CC2D2B: variants seen among roughly 807,000 people sequenced by gnomAD.
CC2D2B encodes the protein coiled-coil and C2 domain containing 2B.
A neutral mutation model predicts 161.2 loss-of-function variants in CC2D2B; 128 were observed. The observed-to-expected ratio is 0.79, with a 90% CI of 0.69 to 0.92. The LOEUF is 0.92. CC2D2B is among the 40% of genes least tolerant of loss of function. CC2D2B has a pLI of 0.00. For missense variants in CC2D2B, 1,173 were observed against 1,375.1 expected (o/e 0.85, Z 2.32); for synonymous variants, 391 against 449.8 (o/e 0.87, Z 1.65).
rs2078181120 is a variant in CC2D2B at position 95,995,120 on chromosome 10, A to G, written c.2643-149A>G. The G allele has an allele frequency of 8.7e-6, 4 of 459,724 alleles. No homozygotes were observed. The South Asian group carries it at 1.6e-4, about 18-fold the overall frequency. The allele number at this position is 459,724 out of a possible 1,614,324, so 28.5% of individuals were successfully genotyped here. A position where few individuals can be genotyped will look rare whatever the true frequency, so the allele number is the denominator to read the frequency against. The stretch of plus-strand genomic sequence containing the variant: ...TTATCAAATGTTTAGCTGTAACCAC[A>G]CATGATAAGACAATTCAAGGCAAAC... On this transcript the variant is annotated intron_variant, in intron 22 of 34. Transcript: ENST00000646931.
chr10:96,003,021 A>AATAAATATATATATATATAT (rs1366887388), intron 24 of CC2D2B, among the ~76,000 whole-genome samples: 14 of 140,700 alleles, frequency 1.0e-4, no homozygotes, highest in Non-Finnish European at 1.9e-4. Flanking sequence ...AAAATAAATA[A>AATAAATATATATATATATAT]ATATATATAT....
intron 4 of CC2D2B, 56 bp downstream of exon 4, chr10:95,924,446 AC>A: frequency 1.0e-6 from 1 of 975,650 alleles, no homozygotes. Context: ...GAGACATTTA[AC>A]ACAATCAAGT....
At chr10:95,961,157 G>A (rs530706874) in intron 11 of CC2D2B, among the ~76,000 whole-genome samples, 16 of 152,272 alleles carry the variant, frequency 1.1e-4, no homozygotes, top group South Asian at 6.2e-4. Flanking sequence ...TTATCAAAAC[G>A]TAGGGGCTTT....
At chr10:95,952,978 A>T (rs1338226625) in intron 10 of CC2D2B, among the ~76,000 whole-genome samples, 1 of 152,128 alleles carries the variant, frequency 6.6e-6, no homozygotes, top group Non-Finnish European at 1.5e-5. Context: ...ATGTTTTTCC[A>T]ATTTGAATTT....
At position 95,992,426 on chromosome 10, in the gene CC2D2B, A is replaced by G. The variant is rs1003226726; in HGVS notation, c.2472-101A>G. Reference sequence around the variant, plus strand: ...GTCTCCCCTCCATAATGCAGAGAATATGGTTTAGAATAATGGTCTCATTTC... The same window carrying G: ...GTCTCCCCTCCATAATGCAGAGAATGTGGTTTAGAATAATGGTCTCATTTC... On this transcript the variant is annotated intron_variant, in intron 21 of 34. Coordinates refer to ENST00000646931, the MANE Select transcript of CC2D2B (RefSeq NM_001349008.3). 4 of 898,000 alleles carry G rather than the reference A, an allele frequency of 4.5e-6. No individual in the cohort carries two copies. The African/African-American group carries it at 5.2e-5, about 12-fold the overall frequency. 55.6% of individuals were successfully genotyped at this position (898,000 alleles called of 1,614,324 possible).
At chr10:95,971,102 G>T (rs2077111914) in intron 15 of CC2D2B, among the ~76,000 whole-genome samples, 1 of 151,840 alleles carries the variant, frequency 6.6e-6, no homozygotes, top group South Asian at 2.1e-4. Flanking sequence ...AAAAAAGTTT[G>T]CTTAGACTGG....
intron 9 of CC2D2B, among the ~76,000 whole-genome samples, chr10:95,946,038 C>G (rs938179224): frequency 6.6e-6 from 1 of 152,150 alleles, no homozygotes; most frequent in African/African-American, 2.4e-5. Context: ...GCCCGCCCAG[C>G]CTCCCAAAGT....
chr10:95,969,049 A>G (rs1195503087), intron 15 of CC2D2B, 148 bp downstream of exon 15: 2 of 393,302 alleles, frequency 5.1e-6, no homozygotes, highest in African/African-American at 2.1e-5. Context: ...ATATTTATAA[A>G]TGTATAATTC....
rs370580516 is a variant in CC2D2B, at chr10:96,020,139, C to G, written c.3888+315C>G. 1.3e-4 allele frequency: 27 copies of G among 201,064 alleles called. No homozygotes were observed. The East Asian group carries it at 2.4e-3, about 18-fold the overall frequency. The allele number at this position is 201,064 out of a possible 1,614,324, so 12.5% of individuals were successfully genotyped here. On this transcript the variant is annotated intron_variant, in intron 32 of 34. Coordinates refer to ENST00000646931, the MANE Select transcript of CC2D2B (RefSeq NM_001349008.3). Reference sequence around the variant, plus strand: ...TAAGTTCTAACTCTGACCTAGCCCTCCTGCGCCATATCTATGGTAAGGATC... The same window carrying G: ...TAAGTTCTAACTCTGACCTAGCCCTGCTGCGCCATATCTATGGTAAGGATC...
At chr10:95,983,563 T>A in intron 18 of CC2D2B, 43 bp from the exon 19 acceptor site, 1 of 991,968 alleles carries the variant, frequency 1.0e-6, no homozygotes, top group South Asian at 5.2e-5. Context: ...ATTCCTGAAT[T>A]AAAAAAAATT....
At chr10:95,930,325 A>G (rs965933991) in intron 6 of CC2D2B, among the ~76,000 whole-genome samples, 3 of 152,230 alleles carry the variant, frequency 2.0e-5, no homozygotes, top group Admixed American at 2.0e-4. Flanking sequence ...TAAATATGCA[A>G]TCATGTCATC....
At chr10:95,979,831 G>A (rs1162800253) in intron 17 of CC2D2B, among the ~76,000 whole-genome samples, 1 of 152,240 alleles carries the variant, frequency 6.6e-6, no homozygotes, top group Non-Finnish European at 1.5e-5. Flanking sequence ...ATGGATGGTG[G>A]TGATGGTTGC....
At chr10:96,012,803 G>A (rs2079047637) in intron 28 of CC2D2B, 74 bp downstream of exon 28, 1 of 956,424 alleles carries the variant, frequency 1.0e-6, no homozygotes, top group African/African-American at 1.6e-5. Flanking sequence ...TACCTTTTGT[G>A]TATTTGGGTT....
rs1486430261 is a variant in CC2D2B at position 95,947,121 on chromosome 10, T to A, written c.802-2775T>A. Among the ~76,000 whole-genome samples the A allele has an allele frequency of 5.2e-3, 202 of 38,526 alleles. 1 individual carries two copies. Among genetic ancestry groups the A allele is most frequent in the Middle Eastern group, 0.015 (1 of 68 alleles). 25.3% of individuals were successfully genotyped at this position (38,526 alleles called of 152,430 possible). ...TATATATATATATATATATTTTTTTTTTTTTTTTTGAGACAAAGTATTGCT... is the reference window on the plus strand; with the variant it reads ...TATATATATATATATATATTTTTTTATTTTTTTTTGAGACAAAGTATTGCT... On this transcript the variant is annotated intron_variant, in intron 9 of 34. Coordinates refer to ENST00000646931, the MANE Select transcript of CC2D2B (RefSeq NM_001349008.3).
chr10:96,007,599 T>C (rs1431939154), intron 25 of CC2D2B, among the ~76,000 whole-genome samples: 4 of 152,150 alleles, frequency 2.6e-5, no homozygotes, highest in Non-Finnish European at 4.4e-5. Flanking sequence ...ACACTTCTCA[T>C]ATTGTCTGGT....
Position 95,927,264 on chromosome 10 carries a change from G to A in CC2D2B, c.268G>A (p.Asp90Asn). ...GTCTCCACAGACTGAAGTCTCATTG[G>A]ATGAAAGTCTTTCATTTTTCATTCT... ...KLSPQTEVSLDESLSFFILSG... is the reference protein window; with the variant it reads ...KLSPQTEVSLNESLSFFILSG... The change falls in exon 6 of 35, where the codon GAT becomes AAT. Residue 90 changes from aspartate to asparagine, a missense_variant. Physicochemically the swap from Asp to Asn is conservative, Grantham distance 23. Coordinates refer to ENST00000646931, the MANE Select transcript of CC2D2B (RefSeq NM_001349008.3). 1 of 1,549,922 alleles carries A rather than the reference G, an allele frequency of 6.5e-7. No individual in the cohort carries two copies.
chr10:95,966,694 C>T (rs1485921334), intron 14 of CC2D2B, among the ~76,000 whole-genome samples: 1 of 152,002 alleles, frequency 6.6e-6, no homozygotes, highest in Non-Finnish European at 1.5e-5. Flanking sequence ...GATATAAAGG[C>T]ACTGTAAAAA....
intron 25 of CC2D2B, among the ~76,000 whole-genome samples, chr10:96,008,617 G>A (rs1162871017): frequency 1.3e-5 from 2 of 152,060 alleles, no homozygotes; most frequent in Non-Finnish European, 2.9e-5. Context: ...GTTTCTCATT[G>A]TAGCTCTAAT....
intron 24 of CC2D2B, 42 bp downstream of exon 24, chr10:95,996,294 C>A: frequency 3.0e-5 from 25 of 844,212 alleles, no homozygotes; most frequent in South Asian, 1.0e-4. Context: ...AAAAAAAGAG[C>A]AATAATAAAA....
Sources: gnomAD v4.1 joint callset for allele counts (sites outside exome capture counted in the v4.1 genomes callset) on GRCh38, gnomAD v4.1.1 for gene constraint, MANE v1.5 for transcripts, NCBI Gene and HGNC (gene_info 2026-07-23, HGNC 2026-07-21) for gene names.